Variants in VAV3 observed in about 807,000 individuals in gnomAD.
VAV3 encodes vav guanine nucleotide exchange factor 3, also known as guanine nucleotide exchange factor VAV3.
A neutral mutation model predicts 131.2 loss-of-function variants in VAV3; 94 were observed. That is an observed-to-expected ratio of 0.72 (90% CI 0.61 to 0.85). The LOEUF (loss-of-function observed/expected upper bound fraction) is 0.85. VAV3 is among the 40% of genes least tolerant of loss of function. VAV3 has a pLI of 0.00. For missense variants in VAV3, 939 were observed against 1,002.7 expected (o/e 0.94, Z 0.86); for synonymous variants, 349 against 342.0 (o/e 1.02, Z -0.22).
chr1:107,629,155 T>A (rs1024522142), intron 20 of VAV3, among the ~76,000 whole-genome samples: 1 of 152,182 alleles, frequency 6.6e-6, no homozygotes, highest in African/African-American at 2.4e-5. Context: ...TAAAACCCCA[T>A]GATATAAGAC....
chr1:107,859,979 C>T (rs1308589135), intron 2 of VAV3, among the ~76,000 whole-genome samples: 1 of 152,052 alleles, frequency 6.6e-6, no homozygotes, highest in Non-Finnish European at 1.5e-5. Context: ...AGAAAAATAT[C>T]CTTATTTTGA....
intron 1 of VAV3, among the ~76,000 whole-genome samples, chr1:107,946,174 G>A (rs1438615115): frequency 6.6e-6 from 1 of 152,174 alleles, no homozygotes; most frequent in Non-Finnish European, 1.5e-5. Flanking sequence ...TACACATAGG[G>A]AGACTAATTA....
chr1:107,602,584 T>G lies in VAV3; in HGVS notation c.2133-100A>C. On this transcript the variant is annotated intron_variant, in intron 23 of 26. Transcript: ENST00000370056. ...CCCCAATAACATTTTAGGAATTAAT[T>G]CTGCAGACAAAAATATATACCTATG... is the stretch of plus-strand genomic sequence containing the variant. 3.3e-6 allele frequency: 3 copies of G among 899,526 alleles called. No homozygotes were observed. The South Asian group carries it at 5.0e-5, about 15-fold the overall frequency. 55.7% of individuals were successfully genotyped at this position (899,526 alleles called of 1,614,324 possible). A position where few individuals can be genotyped will look rare whatever the true frequency, so the allele number is the denominator to read the frequency against.
chr1:107,917,138 G>T (rs951063894), intron 1 of VAV3, among the ~76,000 whole-genome samples: 1 of 152,128 alleles, frequency 6.6e-6, no homozygotes, highest in African/African-American at 2.4e-5. Context: ...AAAATCTACT[G>T]GTAGAGTCCT....
chr1:107,681,759 T>C (rs1347704058), intron 19 of VAV3, among the ~76,000 whole-genome samples: 1 of 151,756 alleles, frequency 6.6e-6, no homozygotes, highest in East Asian at 1.9e-4. Flanking sequence ...GCTCACGCCA[T>C]TCTCCTGCCT....
intron 1 of VAV3, among the ~76,000 whole-genome samples, chr1:107,935,745 AACAG>A (rs1479076564): frequency 6.6e-6 from 1 of 152,156 alleles, no homozygotes; most frequent in African/African-American, 2.4e-5. Flanking sequence ...AGGCACCAAA[AACAG>A]ACAGGCCAAC....
chr1:107,890,568 G>A (rs781315679), intron 1 of VAV3, among the ~76,000 whole-genome samples: 2 of 152,074 alleles, frequency 1.3e-5, no homozygotes, highest in Non-Finnish European at 2.9e-5. Context: ...AATTAACAGT[G>A]TTTCACTTCC....
chr1:107,915,736 T>C (rs1328724278), intron 1 of VAV3, among the ~76,000 whole-genome samples: 1 of 152,202 alleles, frequency 6.6e-6, no homozygotes, highest in Non-Finnish European at 1.5e-5. Context: ...CCCTGACATC[T>C]ACAGGAATCC....
intron 15 of VAV3, among the ~76,000 whole-genome samples, chr1:107,716,088 A>C (rs1478623593): frequency 6.6e-6 from 1 of 152,208 alleles, no homozygotes; most frequent in Non-Finnish European, 1.5e-5. Flanking sequence ...AGGTGTTTAA[A>C]TCAACATTCC....
intron 1 of VAV3, among the ~76,000 whole-genome samples, chr1:107,894,878 C>T (rs1290681388): frequency 6.6e-6 from 1 of 152,210 alleles, no homozygotes; most frequent in Non-Finnish European, 1.5e-5. Context: ...GTCTACCACA[C>T]AGCTAGAATT....
intron 2 of VAV3, among the ~76,000 whole-genome samples, chr1:107,817,442 G>A (rs939254906): frequency 6.6e-6 from 1 of 152,126 alleles, no homozygotes; most frequent in East Asian, 1.9e-4. Context: ...TGGACAAGCT[G>A]GTTAGAGTCA....
chr1:107,752,451 T>G (rs1663795703), intron 12 of VAV3, among the ~76,000 whole-genome samples: 1 of 152,226 alleles, frequency 6.6e-6, no homozygotes, highest in Non-Finnish European at 1.5e-5. Flanking sequence ...TCGAGATTGA[T>G]AAATGGGACT....
chr1:107,580,274 C>T (rs1045932765), intron 25 of VAV3, among the ~76,000 whole-genome samples: 3 of 152,158 alleles, frequency 2.0e-5, no homozygotes, highest in African/African-American at 7.2e-5. Context: ...TCCTTTAGCT[C>T]ATCTTCTGCT....
At chr1:107,908,231 C>T (rs1207422217) in intron 1 of VAV3, among the ~76,000 whole-genome samples, 1 of 152,126 alleles carries the variant, frequency 6.6e-6, no homozygotes, top group Non-Finnish European at 1.5e-5. Flanking sequence ...TATTCTTCCC[C>T]CAGCAGTGGC....
At chr1:107,614,845 T>C (rs1189951255) in intron 21 of VAV3, among the ~76,000 whole-genome samples, 2 of 152,150 alleles carry the variant, frequency 1.3e-5, no homozygotes, top group Non-Finnish European at 2.9e-5. Context: ...TTCAAGAGGA[T>C]GTAAACAGAA....
At chr1:107,734,321 G>C (rs576558417) in intron 15 of VAV3, among the ~76,000 whole-genome samples, 1 of 152,156 alleles carries the variant, frequency 6.6e-6, no homozygotes, top group African/African-American at 2.4e-5. Context: ...AAAATAACCA[G>C]CTAACCTCAT....
intron 2 of VAV3, among the ~76,000 whole-genome samples, chr1:107,850,860 A>T (rs1484503997): frequency 6.6e-6 from 1 of 151,832 alleles, no homozygotes; most frequent in Admixed American, 6.6e-5. Context: ...AGGCTACCAC[A>T]CATATATATA....
At chr1:107,713,272 A>G (rs1487948948) in intron 15 of VAV3, among the ~76,000 whole-genome samples, 1 of 152,130 alleles carries the variant, frequency 6.6e-6, no homozygotes, top group Non-Finnish European at 1.5e-5. Flanking sequence ...AAATATTGAT[A>G]ACTACTTATA....
At position 107,786,261 on chromosome 1, in the gene VAV3, T is replaced by C. The variant is rs1424430574; in HGVS notation, c.322-6769A>G. 2.7e-4 allele frequency among the ~76,000 whole-genome samples: 41 copies of C among 152,200 alleles called. 1 individual carries two copies. Among genetic ancestry groups the C allele is most frequent in the Non-Finnish European group, 1.5e-5 (1 of 68,036 alleles). ...ACAATCATAAATTTAAGAAGTATTCTATACTTACTATTTTTTGAATCTTCA... is the reference window on the plus strand; with the variant it reads ...ACAATCATAAATTTAAGAAGTATTCCATACTTACTATTTTTTGAATCTTCA... On this transcript the variant is annotated intron_variant, in intron 2 of 26. Coordinates refer to ENST00000370056, the MANE Select transcript of VAV3 (RefSeq NM_006113.5).
Sources: gnomAD v4.1 joint callset for allele counts (sites outside exome capture counted in the v4.1 genomes callset) on GRCh38, gnomAD v4.1.1 for gene constraint, MANE v1.5 for transcripts, NCBI Gene and HGNC (gene_info 2026-07-23, HGNC 2026-07-21) for gene names.